The following MAD1L1 variants were observed in gnomAD, a reference collection of about 807,000 sequenced individuals.
MAD1L1 encodes the protein mitotic arrest deficient 1 like 1, also known as mitotic spindle assembly checkpoint protein MAD1.
Under a neutral mutation model 96.9 loss-of-function variants are expected in MAD1L1, and 95 were observed. The ratio of observed to expected loss-of-function variants is 0.98; its 90% CI spans 0.83 to 1.16. The LOEUF is 1.16. Among genes scored for constraint, MAD1L1 ranks in the 50% most tolerant of loss-of-function variants. The pLI, the probability that MAD1L1 is intolerant of heterozygous loss-of-function variation, is 0.00. For synonymous variants in MAD1L1, 473 were observed against 396.6 expected (o/e 1.19, Z -2.29); for missense variants, 1,007 against 954.4 (o/e 1.06, Z -0.73).
rs35707803 is a variant in MAD1L1, at chr7:2,055,669, CAAA to C, written c.1218+13522_1218+13524del. Among the ~76,000 whole-genome samples, 425 of 90,472 alleles carry C rather than the reference CAAA, an allele frequency of 4.7e-3. 2 individuals are homozygous for C. Among genetic ancestry groups the C allele is most frequent in the African/African-American group, 0.013 (324 of 24,956 alleles). 59.4% of individuals were successfully genotyped at this position (90,472 alleles called of 152,430 possible). On this transcript the variant is annotated intron_variant, in intron 12 of 18. Transcript: ENST00000265854. ...TGGGTGACACAGAGAGACCCTGTCT[CAAA>C]AAAAAAAAAAAAAAAAAAATCTAGG...
chr7:2,076,837 G>A (rs551309545), intron 11 of MAD1L1, among the ~76,000 whole-genome samples: 6 of 149,958 alleles, frequency 4.0e-5, no homozygotes, highest in South Asian at 4.3e-4. Flanking sequence ...CCCGCAGCAC[G>A]GTCAGCCTGA....
At chr7:2,062,892 G>A (rs578077563) in intron 12 of MAD1L1, among the ~76,000 whole-genome samples, 3 of 152,284 alleles carry the variant, frequency 2.0e-5, no homozygotes, top group Non-Finnish European at 4.4e-5. Flanking sequence ...AAAGGAACAC[G>A]CTGCATTCCC....
At chr7:2,159,465 C>T (rs1013573390) in intron 10 of MAD1L1, among the ~76,000 whole-genome samples, 4 of 152,206 alleles carry the variant, frequency 2.6e-5, no homozygotes, top group Non-Finnish European at 4.4e-5. Context: ...CTGGTGCTCT[C>T]CTCCTTCACA....
intron 10 of MAD1L1, among the ~76,000 whole-genome samples, chr7:2,152,911 G>C (rs145864851): frequency 1.7e-3 from 259 of 152,302 alleles, no homozygotes; most frequent in African/African-American, 5.8e-3. Flanking sequence ...TGTCGCCGGG[G>C]ACATGAGGAG....
At position 2,198,407 on chromosome 7, in the gene MAD1L1, C is replaced by A. The variant is rs555566161; in HGVS notation, c.986+14805G>T. On this transcript the variant is annotated intron_variant, in intron 10 of 18. Coordinates refer to ENST00000265854, the MANE Select transcript of MAD1L1 (RefSeq NM_001013836.2). ...CAGGCTGCAGCCAGGTACACACCCC[C>A]CTTCAAGCAACAAAACCACTGCCTG... Among the ~76,000 whole-genome samples, 28 of 152,314 alleles carry A rather than the reference C, an allele frequency of 1.8e-4. No homozygotes were observed. In the South Asian group the frequency reaches 4.6e-3, roughly 25 times the overall value.
chr7:2,128,225 A>C (rs1438057236), intron 11 of MAD1L1, among the ~76,000 whole-genome samples: 1 of 152,076 alleles, frequency 6.6e-6, no homozygotes, highest in East Asian at 1.9e-4. Context: ...TCCCAGACTA[A>C]TTATTCTGCA....
intron 18 of MAD1L1, among the ~76,000 whole-genome samples, chr7:1,819,282 C>G (rs1190646668): frequency 6.6e-6 from 1 of 152,194 alleles, no homozygotes; most frequent in Non-Finnish European, 1.5e-5. Flanking sequence ...TGCCTGCGCG[C>G]AGGCTCTGGC....
At chr7:2,061,902 G>T (rs909960163) in intron 12 of MAD1L1, among the ~76,000 whole-genome samples, 1 of 152,174 alleles carries the variant, frequency 6.6e-6, no homozygotes, top group African/African-American at 2.4e-5. Flanking sequence ...TGGAAGCCAG[G>T]GACTAAAGAG....
chr7:2,001,471 C>T (rs756932172), intron 14 of MAD1L1, among the ~76,000 whole-genome samples: 3 of 152,274 alleles, frequency 2.0e-5, no homozygotes, highest in Non-Finnish European at 4.4e-5. Context: ...TGCCTGGTCC[C>T]CCACGGGCCC....
intron 11 of MAD1L1, among the ~76,000 whole-genome samples, chr7:2,127,709 C>G (rs755708087): frequency 2.6e-5 from 4 of 152,160 alleles, no homozygotes; most frequent in Non-Finnish European, 5.9e-5. Flanking sequence ...AGGAACCCAC[C>G]TGCAATTACA....
intron 11 of MAD1L1, among the ~76,000 whole-genome samples, chr7:2,108,968 C>A (rs974928222): frequency 1.3e-5 from 2 of 152,256 alleles, no homozygotes; most frequent in Non-Finnish European, 2.9e-5. Context: ...CGGGACAGAC[C>A]AAACAGGCGC....
intron 10 of MAD1L1, among the ~76,000 whole-genome samples, chr7:2,203,448 G>C (rs904131273): frequency 6.6e-6 from 1 of 152,256 alleles, no homozygotes; most frequent in African/African-American, 2.4e-5. Context: ...CTTTTCGGGA[G>C]GGCGGTGTGG....
Position 2,150,953 on chromosome 7 carries a change from G to A in MAD1L1, c.987-1715C>T, listed in dbSNP as rs189015556. On this transcript the variant is annotated intron_variant, in intron 10 of 18. Coordinates refer to ENST00000265854, the MANE Select transcript of MAD1L1 (RefSeq NM_001013836.2). ...CTGTCCTCACACACACAGGCAAACC[G>A]GGGTTAGAAAGCAGCTCCGTGGAAA... Among the ~76,000 whole-genome samples the A allele has an allele frequency of 8.5e-5, 13 of 152,338 alleles. No individual in the cohort carries two copies. In the East Asian group the frequency reaches 1.9e-3, roughly 23 times the overall value.
chr7:2,161,952 C>T lies in MAD1L1; in HGVS notation c.987-12714G>A, dbSNP rs912287187. Among the ~76,000 whole-genome samples, 4 of 144,570 alleles carry T rather than the reference C, an allele frequency of 2.8e-5. No homozygotes were observed. The East Asian group carries it at 8.0e-4, about 29-fold the overall frequency. The allele number at this position is 144,570 out of a possible 152,430, so 94.8% of individuals were successfully genotyped here. A position where few individuals can be genotyped will look rare whatever the true frequency, so the allele number is the denominator to read the frequency against. ...AGGTGGGGGGCAGCCCCCACCCGGC[C>T]AGCCACCCCGTCCGGGAGGTGGGGG... On this transcript the variant is annotated intron_variant, in intron 10 of 18. Transcript: ENST00000265854.
intron 16 of MAD1L1, among the ~76,000 whole-genome samples, chr7:1,952,971 A>C (rs1340133363): frequency 1.3e-5 from 2 of 152,074 alleles, no homozygotes; most frequent in East Asian, 3.9e-4. Context: ...AGCCCACCAC[A>C]CCTGGGCATG....
intron 9 of MAD1L1, among the ~76,000 whole-genome samples, chr7:2,214,611 G>A (rs983053198): frequency 1.3e-5 from 2 of 152,140 alleles, no homozygotes; most frequent in African/African-American, 4.8e-5. Context: ...GCACAGAGGG[G>A]AGTGGCTGTG....
chr7:2,210,022 C>T (rs1792825736), intron 10 of MAD1L1: 2 of 152,266 alleles, frequency 1.3e-5, no homozygotes, highest in African/African-American at 4.8e-5. Flanking sequence ...AAGAACTACC[C>T]CAAACCTGGT....
At chr7:1,990,711 C>T (rs1368063022) in intron 14 of MAD1L1, among the ~76,000 whole-genome samples, 1 of 152,212 alleles carries the variant, frequency 6.6e-6, no homozygotes, top group Non-Finnish European at 1.5e-5. Flanking sequence ...GCCGCCACTG[C>T]TGGCCTCACG....
chr7:1,930,731 T>TC (rs918170321), intron 17 of MAD1L1, among the ~76,000 whole-genome samples: 3 of 150,340 alleles, frequency 2.0e-5, no homozygotes, highest in African/African-American at 7.4e-5. Flanking sequence ...GTGAGGGGAC[T>TC]CCCCTGGGAC....
Sources: allele counts gnomAD v4.1 joint callset (sites outside exome capture counted in the v4.1 genomes callset), GRCh38; gene constraint gnomAD v4.1.1; transcripts MANE v1.5; gene names NCBI Gene and HGNC (gene_info 2026-07-23, HGNC 2026-07-21).